The following DGKI variants were observed in gnomAD, a reference collection of about 807,000 sequenced individuals.
DGKI encodes the protein diacylglycerol kinase iota, also known as DAG kinase iota.
Under a neutral mutation model 147.5 loss-of-function variants are expected in DGKI, and 55 were observed. That is an observed-to-expected ratio of 0.37 (90% CI 0.30 to 0.47). DGKI has a LOEUF of 0.47. Among genes scored for constraint, DGKI ranks in the 20% least tolerant of loss-of-function variants. DGKI has a pLI of 1.00. For missense variants in DGKI, 1,007 were observed against 1,323.8 expected (o/e 0.76, Z 3.71); for synonymous variants, 469 against 477.1 (o/e 0.98, Z 0.22).
At chr7:137,716,161 T>C (rs911959968) in intron 1 of DGKI, among the ~76,000 whole-genome samples, 3 of 152,252 alleles carry the variant, frequency 2.0e-5, no homozygotes, top group Non-Finnish European at 4.4e-5. Context: ...CTGCAAAATC[T>C]TTCTTATTCA....
intron 22 of DGKI, 149 bp downstream of exon 22, chr7:137,487,461 G>A: frequency 4.2e-6 from 3 of 715,458 alleles, no homozygotes; most frequent in South Asian, 3.3e-5. Flanking sequence ...GTGGGAGAGG[G>A]TGACATACAG....
chr7:137,506,806 G>GA lies in DGKI; in HGVS notation c.2248+15059dup, dbSNP rs1816384168. 3.9e-5 allele frequency among the ~76,000 whole-genome samples: 6 copies of GA among 151,970 alleles called. No homozygotes were observed. In the South Asian group the frequency reaches 1.2e-3, roughly 32 times the overall value. ...AAATAGTCTTAGTTAAAAAGAAACA[G>GA]AAAAATCAAGAGAAAAAGAAAAGAA... On this transcript the variant is annotated intron_variant, in intron 21 of 32. Coordinates refer to ENST00000614521, the MANE Select transcript of DGKI (RefSeq NM_001321708.2).
At chr7:137,812,415 C>T (rs1797619442) in intron 1 of DGKI, among the ~76,000 whole-genome samples, 1 of 152,166 alleles carries the variant, frequency 6.6e-6, no homozygotes, top group Admixed American at 6.5e-5. Flanking sequence ...TTAACTGTAG[C>T]AAAGCTTACA....
chr7:137,576,670 C>CA (rs555894516), intron 17 of DGKI, among the ~76,000 whole-genome samples: 41 of 152,230 alleles, frequency 2.7e-4, no homozygotes, highest in Middle Eastern at 3.4e-3. Flanking sequence ...AGCACATACA[C>CA]AAAAAATCCA....
intron 8 of DGKI, among the ~76,000 whole-genome samples, chr7:137,610,939 T>C (rs1047244310): frequency 2.0e-5 from 3 of 152,172 alleles, no homozygotes; most frequent in Admixed American, 6.6e-5. Context: ...GATTAAAAGA[T>C]CTCAGGATCT....
chr7:137,505,279 C>T (rs1816328288), intron 21 of DGKI, among the ~76,000 whole-genome samples: 1 of 152,170 alleles, frequency 6.6e-6, no homozygotes, highest in Admixed American at 6.6e-5. Flanking sequence ...ATGATGCCTT[C>T]TCCTTATGAT....
At chr7:137,616,340 T>C (rs1340789530) in intron 8 of DGKI, among the ~76,000 whole-genome samples, 1 of 152,200 alleles carries the variant, frequency 6.6e-6, no homozygotes, top group Non-Finnish European at 1.5e-5. Flanking sequence ...CACATATAAA[T>C]GTTAGCTCTT....
chr7:137,528,957 T>C (rs1474400915), intron 20 of DGKI, among the ~76,000 whole-genome samples: 2 of 152,216 alleles, frequency 1.3e-5, no homozygotes, highest in Non-Finnish European at 1.5e-5. Context: ...CATGGACTAA[T>C]GTCAAAAGAG....
chr7:137,777,474 C>T (rs764462411), intron 1 of DGKI, among the ~76,000 whole-genome samples: 14 of 152,326 alleles, frequency 9.2e-5, no homozygotes, highest in South Asian at 2.1e-4. Flanking sequence ...CTCACAGCAG[C>T]GACGGCTATG....
intron 6 of DGKI, among the ~76,000 whole-genome samples, chr7:137,634,586 T>A (rs139381147): frequency 2.6e-5 from 4 of 152,268 alleles, no homozygotes; most frequent in African/African-American, 4.8e-5. Flanking sequence ...TTATAGTAAG[T>A]GGGACCATCT....
chr7:137,446,270 G>T (rs569241668), intron 27 of DGKI, among the ~76,000 whole-genome samples: 1 of 152,334 alleles, frequency 6.6e-6, no homozygotes, highest in East Asian at 1.9e-4. Flanking sequence ...GTATGTCCAG[G>T]CAGTGGATAA....
chr7:137,571,626 T>C (rs1818796573), intron 18 of DGKI, among the ~76,000 whole-genome samples: 1 of 152,148 alleles, frequency 6.6e-6, no homozygotes, highest in Non-Finnish European at 1.5e-5. Context: ...TAAAGGAAGA[T>C]GTATGCATGC....
At chr7:137,821,101 G>A (rs191725254) in intron 1 of DGKI, among the ~76,000 whole-genome samples, 1 of 152,296 alleles carries the variant, frequency 6.6e-6, no homozygotes, top group East Asian at 1.9e-4. Flanking sequence ...GGGTGTTTGA[G>A]GAGAATGACA....
chr7:137,631,529 C>G (rs1226577931), intron 6 of DGKI, among the ~76,000 whole-genome samples: 1 of 152,114 alleles, frequency 6.6e-6, no homozygotes, highest in Non-Finnish European at 1.5e-5. Flanking sequence ...GAACTAGCTG[C>G]AGGACCTAAT....
intron 26 of DGKI, 143 bp downstream of exon 26, chr7:137,465,765 A>C: frequency 8.8e-7 from 1 of 1,134,344 alleles, no homozygotes. Context: ...ACAGACTTAT[A>C]ATAACCACTC....
At chr7:137,766,406 G>C (rs1170379100) in intron 1 of DGKI, among the ~76,000 whole-genome samples, 1 of 152,208 alleles carries the variant, frequency 6.6e-6, no homozygotes, top group African/African-American at 2.4e-5. Flanking sequence ...CAAGGACACA[G>C]AGAAATGGAG....
intron 20 of DGKI, among the ~76,000 whole-genome samples, chr7:137,532,034 G>GAA (rs11371269): frequency 0.1 from 15,374 of 151,272 alleles, 2,392 homozygotes; most frequent in African/African-American, 0.34. Flanking sequence ...CAAACCAATA[G>GAA]AAAAAAAAAT....
chr7:137,473,062 C>T (rs1190022857), intron 23 of DGKI, among the ~76,000 whole-genome samples: 1 of 152,086 alleles, frequency 6.6e-6, no homozygotes, highest in Non-Finnish European at 1.5e-5. Flanking sequence ...GGCACTGCCT[C>T]AGCAACATGA....
At position 137,472,417 on chromosome 7, in the gene DGKI, A is replaced by G. The variant is rs1036809651; in HGVS notation, c.2374-2798T>C. Among the ~76,000 whole-genome samples, 269 of 135,528 alleles carry G rather than the reference A, an allele frequency of 2.0e-3. 1 individual carries two copies. The highest frequency in any genetic ancestry group is 2.5e-3 in the Non-Finnish European group (160 of 64,628). 88.9% of individuals were successfully genotyped at this position (135,528 alleles called of 152,430 possible). On this transcript the variant is annotated intron_variant, in intron 23 of 32. Coordinates refer to ENST00000614521, the MANE Select transcript of DGKI (RefSeq NM_001321708.2). Reference sequence around the variant, plus strand: ...TTATAATTATTATATGTATATATACATATACATATTATATGTACATATACA... The same window carrying G: ...TTATAATTATTATATGTATATATACGTATACATATTATATGTACATATACA...
Sources: allele counts gnomAD v4.1 joint callset (sites outside exome capture counted in the v4.1 genomes callset), GRCh38; gene constraint gnomAD v4.1.1; transcripts MANE v1.5; gene names NCBI Gene and HGNC (gene_info 2026-07-23, HGNC 2026-07-21).